CLASP1: variants seen among roughly 807,000 people sequenced by gnomAD.
CLASP1 encodes the protein CLIP-associating protein 1.
Under a neutral mutation model 192.3 loss-of-function variants are expected in CLASP1, and 38 were observed. The observed-to-expected ratio is 0.20, with a 90% CI of 0.15 to 0.26. CLASP1 has a LOEUF of 0.26. CLASP1 is among the 10% of genes least tolerant of loss of function. The pLI, the probability that CLASP1 is intolerant of heterozygous loss-of-function variation, is 1.00. For missense variants in CLASP1, 1,433 were observed against 1,932.5 expected (o/e 0.74, Z 4.85); for synonymous variants, 691 against 712.8 (o/e 0.97, Z 0.49).
At chr2:121,482,519 G>A (rs1362054921) in intron 8 of CLASP1, among the ~76,000 whole-genome samples, 3 of 152,110 alleles carry the variant, frequency 2.0e-5, no homozygotes, top group Admixed American at 2.0e-4. Context: ...CTAAACATAT[G>A]TCAGAAAGAC....
chr2:121,636,146 G>C (rs2070799609), intron 1 of CLASP1, among the ~76,000 whole-genome samples: 1 of 151,522 alleles, frequency 6.6e-6, no homozygotes, highest in South Asian at 2.1e-4. Flanking sequence ...AGACGAACCT[G>C]GTCAAGATGG....
chr2:121,513,811 A>G (rs1014056930), intron 7 of CLASP1, among the ~76,000 whole-genome samples: 10 of 152,252 alleles, frequency 6.6e-5, no homozygotes, highest in Admixed American at 5.9e-4. Flanking sequence ...GATGCTTTCT[A>G]TCAGGAATGC....
chr2:121,531,069 A>C (rs1045182897), intron 2 of CLASP1: 6 of 691,330 alleles, frequency 8.7e-6, no homozygotes, highest in South Asian at 6.0e-5. Flanking sequence ...ATAAACTAGT[A>C]CTTTGTGGTT....
At chr2:121,582,468 CAT>C (rs1264556175) in intron 2 of CLASP1, among the ~76,000 whole-genome samples, 1 of 141,658 alleles carries the variant, frequency 7.1e-6, no homozygotes, top group Non-Finnish European at 1.5e-5. Context: ...AAGAAAGATA[CAT>C]GTTTTTGGAA....
intron 2 of CLASP1, among the ~76,000 whole-genome samples, chr2:121,540,724 C>T (rs1211518683): frequency 4.0e-5 from 6 of 151,262 alleles, no homozygotes; most frequent in Non-Finnish European, 8.8e-5. Flanking sequence ...GAGACAGAGA[C>T]TGCAGTGAGC....
chr2:121,549,202 T>G (rs1253338753), intron 2 of CLASP1, among the ~76,000 whole-genome samples: 2 of 152,188 alleles, frequency 1.3e-5, no homozygotes, highest in African/African-American at 2.4e-5. Flanking sequence ...TGATCTCACA[T>G]GCAATGACAC....
intron 32 of CLASP1, 78 bp from the exon 34 acceptor site, chr2:121,382,402 C>T: frequency 1.2e-6 from 1 of 826,662 alleles, no homozygotes; most frequent in Non-Finnish European, 1.9e-6. Context: ...GCACTACACA[C>T]TAAGTGTCTT....
chr2:121,456,835 G>A (rs766937789), intron 14 of CLASP1, among the ~76,000 whole-genome samples: 13 of 152,072 alleles, frequency 8.5e-5, no homozygotes, highest in Admixed American at 2.6e-4. Context: ...AAGACACACA[G>A]CTAAGGGAAT....
intron 37 of CLASP1, among the ~76,000 whole-genome samples, chr2:121,349,359 GCTCA>G (rs1426382325): frequency 6.6e-6 from 1 of 152,176 alleles, no homozygotes; most frequent in African/African-American, 2.4e-5. Flanking sequence ...ACCCAGACCT[GCTCA>G]CTCAGAGATG....
chr2:121,533,039 G>A (rs1183698387), intron 2 of CLASP1, among the ~76,000 whole-genome samples: 1 of 152,150 alleles, frequency 6.6e-6, no homozygotes, highest in Non-Finnish European at 1.5e-5. Flanking sequence ...AAGGTAAAGA[G>A]GACTATTGTT....
At position 121,393,238 on chromosome 2, in the gene CLASP1, G is replaced by A. The variant is rs951365119; in HGVS notation, c.3123+3902C>T. Among the ~76,000 whole-genome samples the A allele has an allele frequency of 2.0e-5, 3 of 152,070 alleles. No homozygotes were observed. In the South Asian group the frequency reaches 6.2e-4, roughly 32 times the overall value. On this transcript the variant is annotated intron_variant, in intron 30 of 39. Coordinates refer to ENST00000263710, the Ensembl canonical transcript of CLASP1. ...TACTGTATAAATTTCAGACTGAAGG[G>A]CTCTTCTGTATTTGGAATACCTACC...
intron 2 of CLASP1, among the ~76,000 whole-genome samples, chr2:121,578,202 G>C (rs1293113203): frequency 6.6e-6 from 1 of 151,836 alleles, no homozygotes; most frequent in Non-Finnish European, 1.5e-5. Flanking sequence ...CAAAGTGCAA[G>C]GATTACACAG....
At chr2:121,509,667 G>A (rs963526328) in intron 7 of CLASP1, among the ~76,000 whole-genome samples, 2 of 152,052 alleles carry the variant, frequency 1.3e-5, no homozygotes, top group Non-Finnish European at 2.9e-5. Flanking sequence ...GCAAAACCTC[G>A]TCTCTACTAA....
intron 1 of CLASP1, among the ~76,000 whole-genome samples, chr2:121,644,137 C>G (rs1412189283): frequency 1.3e-5 from 2 of 152,062 alleles, no homozygotes; most frequent in Admixed American, 1.3e-4. Context: ...ATTAACACTG[C>G]CCTCCCCTCA....
At chr2:121,351,645 C>T (rs2064441023) in intron 37 of CLASP1, among the ~76,000 whole-genome samples, 1 of 152,176 alleles carries the variant, frequency 6.6e-6, no homozygotes, top group African/African-American at 2.4e-5. Context: ...TCACCACATC[C>T]ATCACCACGT....
intron 3 of CLASP1, among the ~76,000 whole-genome samples, chr2:121,529,459 C>T (rs1456176656): frequency 6.6e-6 from 1 of 152,086 alleles, no homozygotes; most frequent in African/African-American, 2.4e-5. Flanking sequence ...TGTAAACAGT[C>T]GGTGCTCATG....
At chr2:121,430,412 T>C (rs570639898) in intron 19 of CLASP1, among the ~76,000 whole-genome samples, 2 of 152,402 alleles carry the variant, frequency 1.3e-5, no homozygotes, top group Admixed American at 1.3e-4. Context: ...ACTCCTGAGA[T>C]GGAGCCATGG....
At chr2:121,386,887 T>C (rs2073317296) in intron 32 of CLASP1, among the ~76,000 whole-genome samples, 1 of 152,240 alleles carries the variant, frequency 6.6e-6, no homozygotes, top group Admixed American at 6.5e-5. Flanking sequence ...AGTGAGTGTT[T>C]AGAGCTACAA....
At chr2:121,417,516 T>C (rs908925592) in intron 23 of CLASP1, among the ~76,000 whole-genome samples, 1 of 151,564 alleles carries the variant, frequency 6.6e-6, no homozygotes, top group Non-Finnish European at 1.5e-5. Context: ...TGCTTCAGAC[T>C]GCTGTGGAAT....
Sources: allele counts gnomAD v4.1 joint callset (sites outside exome capture counted in the v4.1 genomes callset), GRCh38; gene constraint gnomAD v4.1.1; transcripts MANE v1.5; gene names NCBI Gene and HGNC (gene_info 2026-07-23, HGNC 2026-07-21).